The following PTOV1 variants were observed in gnomAD, a reference collection of about 807,000 sequenced individuals.
The protein encoded by PTOV1 is prostate tumor-overexpressed gene 1 protein.
In PTOV1, 20 loss-of-function variants were observed where a neutral mutation model predicts 58.0. That is an observed-to-expected ratio of 0.34 (90% CI 0.24 to 0.50). The LOEUF is 0.50. PTOV1 is among the 20% of genes least tolerant of loss of function. PTOV1 has a pLI of 0.98. For missense variants in PTOV1, 593 were observed against 565.4 expected (o/e 1.05, Z -0.50); for synonymous variants, 335 against 234.2 (o/e 1.43, Z -3.93).
intron 1 of PTOV1, chr19:49,851,993 C>T (rs1047482155): frequency 1.0e-6 from 1 of 985,392 alleles, no homozygotes; most frequent in Non-Finnish European, 1.2e-6. Flanking sequence ...AGAATACGCG[C>T]CCGCGCCCAC....
In PTOV1 at chr19:49,854,852, G is replaced by A. The variant is rs751109977; in HGVS notation, c.414G>A (p.Gln138=). The change falls in exon 4 of 12, where the codon CAG becomes CAA. Residue 138 remains glutamine, a synonymous_variant. Coordinates refer to ENST00000391842, the Ensembl canonical transcript of PTOV1. ...ATAGGGAGACCGACCAGTGGCCGCA[G>A]AAGCTGATCATGCAGCTGATCCCTC... The A allele has an allele frequency of 4.3e-6, 7 of 1,613,258 alleles. No individual in the cohort carries two copies. The Admixed American group carries it at 1.2e-4, about 27-fold the overall frequency.
chr19:49,856,538 G>C (rs189742543), intron 5 of PTOV1: 147 of 193,926 alleles, frequency 7.6e-4, no homozygotes, highest in African/African-American at 3.0e-3. Context: ...CACCAACTGT[G>C]TGCACTATTA....
intron 5 of PTOV1, 21 bp from the exon 6 acceptor site, chr19:49,856,954 C>A (rs776330367): frequency 2.5e-6 from 4 of 1,611,470 alleles, no homozygotes; most frequent in Non-Finnish European, 3.4e-6. Context: ...ACCACAGGGT[C>A]CTGACCCGCG....
chr19:49,851,590 G>A, intron 1 of PTOV1, 91 bp downstream of exon 1: 1 of 996,618 alleles, frequency 1.0e-6, no homozygotes, highest in Non-Finnish European at 1.2e-6. Flanking sequence ...AGCCCCCGCC[G>A]CTCCGGGGTG....
intron 10 of PTOV1, 200 bp downstream of exon 10, chr19:49,858,853 C>G: frequency 1.8e-6 from 1 of 542,130 alleles, no homozygotes; most frequent in Non-Finnish European, 3.3e-6. Context: ...CCTGGTTCTG[C>G]GGGGGCCTGC....
At chr19:49,852,153 C>G (rs983125198) in intron 1 of PTOV1, 3 of 878,630 alleles carry the variant, frequency 3.4e-6, no homozygotes, top group African/African-American at 1.8e-5. Context: ...GCTGTAAAAC[C>G]GCACATCGCG....
At chr19:49,856,833 A>C (rs2074490246) in intron 5 of PTOV1, 142 bp from the exon 6 acceptor site, 2 of 986,316 alleles carry the variant, frequency 2.0e-6, no homozygotes. Flanking sequence ...GAGGCCCCTC[A>C]CCTATGGCCA....
chr19:49,853,493 TAAAAA>T (rs34050372), intron 1 of PTOV1, among the ~76,000 whole-genome samples: 9 of 113,594 alleles, frequency 7.9e-5, no homozygotes, highest in African/African-American at 2.6e-4. Flanking sequence ...CCATCTCTAC[TAAAAA>T]AAAAAAAAAA....
At chr19:49,857,867 C>T (rs368917766) in intron 7 of PTOV1, 37 bp from the exon 8 acceptor site, 1 of 1,612,460 alleles carries the variant, frequency 6.2e-7, no homozygotes, top group African/African-American at 1.3e-5. Flanking sequence ...TGGGGGTCTC[C>T]AGCCCTGAGG....
At chr19:49,854,438 C>T in exon 2 of PTOV1, 1 of 1,611,880 alleles carries the variant, frequency 6.2e-7, no homozygotes, top group Non-Finnish European at 8.5e-7. Context: ...CACTGGGTCC[C>T]ATCGGTCCCT....
intron 5 of PTOV1, 54 bp from the exon 6 acceptor site, chr19:49,856,918 TGGG>T (rs2074494244): frequency 6.3e-7 from 1 of 1,599,488 alleles, no homozygotes. Context: ...TCCAGGGTGG[TGGG>T]GGCACAGTGG....
exon 1 of PTOV1, chr19:49,851,352 G>A (rs1391715072): frequency 3.7e-6 from 4 of 1,084,394 alleles, no homozygotes; most frequent in East Asian, 1.2e-4. Context: ...GCCGTGCCCC[G>A]TACCGCTCCG....
At chr19:49,859,841 G>A in intron 10 of PTOV1, 145 bp from the exon 11 acceptor site, 3 of 829,426 alleles carry the variant, frequency 3.6e-6, no homozygotes, top group Non-Finnish European at 3.9e-6. Flanking sequence ...CCAATAAGGG[G>A]GCCCACCTCC....
chr19:49,851,250 C>G, exon 1 of PTOV1: 1 of 1,123,318 alleles, frequency 8.9e-7, no homozygotes, highest in Non-Finnish European at 1.1e-6. Context: ...GCGCCCGCGC[C>G]CGCGCCCCTC....
At chr19:49,852,675 C>T (rs1351277384) in intron 1 of PTOV1, 2 of 152,210 alleles carry the variant, frequency 1.3e-5, no homozygotes, top group Non-Finnish European at 2.9e-5. Flanking sequence ...CAGATCCCAG[C>T]ATATTTGAAG....
intron 1 of PTOV1, chr19:49,851,899 C>T: frequency 1.0e-6 from 1 of 985,176 alleles, no homozygotes; most frequent in Non-Finnish European, 1.2e-6. Context: ...GGGAGGGGCC[C>T]GCGCTTTGTA....
intron 1 of PTOV1, chr19:49,852,467 A>G (rs1249891543): frequency 6.6e-6 from 1 of 152,212 alleles, no homozygotes; most frequent in Non-Finnish European, 1.5e-5. Context: ...ACCTCAGTGC[A>G]AGTACTAGAT....
intron 5 of PTOV1, among the ~76,000 whole-genome samples, chr19:49,855,855 G>C (rs2074439283): frequency 6.6e-6 from 1 of 152,124 alleles, no homozygotes; most frequent in Non-Finnish European, 1.5e-5. Context: ...AACCCAGCTG[G>C]TGAGGCTGTT....
chr19:49,854,681 A>G, exon 3 of PTOV1: 4 of 1,613,470 alleles, frequency 2.5e-6, no homozygotes, highest in Non-Finnish European at 2.5e-6. Flanking sequence ...ACTCCACTGC[A>G]AAGCTGAAGC....
Sources: allele counts gnomAD v4.1 joint callset (sites outside exome capture counted in the v4.1 genomes callset), GRCh38; gene constraint gnomAD v4.1.1; transcripts MANE v1.5; gene names NCBI Gene and HGNC (gene_info 2026-07-23, HGNC 2026-07-21).